TRPM7: variants seen among roughly 807,000 people sequenced by gnomAD.
TRPM7 encodes the protein transient receptor potential cation channel subfamily M member 7, also known as LTRPC ion channel family member 7.
TRPM7 carries 134 observed loss-of-function variants against 229.7 expected under a neutral mutation model. The observed-to-expected ratio is 0.58, with a 90% CI of 0.51 to 0.67. TRPM7 has a LOEUF of 0.67. Among genes scored for constraint, TRPM7 ranks in the 30% least tolerant of loss-of-function variants. The pLI is 0.00. For missense variants in TRPM7, 1,901 were observed against 2,210.0 expected (o/e 0.86, Z 2.80); for synonymous variants, 699 against 715.2 (o/e 0.98, Z 0.36).
chr15:50,617,831 A>AT (rs1377364757), intron 13 of TRPM7, among the ~76,000 whole-genome samples: 1 of 151,856 alleles, frequency 6.6e-6, no homozygotes, highest in Admixed American at 6.6e-5. Flanking sequence ...TAATTTTTAA[A>AT]TTTTTTTGTA....
At chr15:50,606,521 T>G (rs745840551) in intron 20 of TRPM7, among the ~76,000 whole-genome samples, 18 of 152,114 alleles carry the variant, frequency 1.2e-4, no homozygotes, top group South Asian at 2.1e-4. Context: ...TATTTTGAGA[T>G]AGAGTATCAC....
At chr15:50,617,016 C>T (rs1180943289) in intron 13 of TRPM7, among the ~76,000 whole-genome samples, 1 of 151,760 alleles carries the variant, frequency 6.6e-6, no homozygotes, top group East Asian at 1.9e-4. Context: ...GCAGGCTGGG[C>T]GTAATGGCTC....
At chr15:50,570,290 G>T in intron 36 of TRPM7, 135 bp from the exon 37 acceptor site, 1 of 645,682 alleles carries the variant, frequency 1.5e-6, no homozygotes, top group Non-Finnish European at 2.5e-6. Context: ...CTATTCAAAG[G>T]AGTGTAGTTC....
chr15:50,600,410 C>G (rs559792908), intron 21 of TRPM7, among the ~76,000 whole-genome samples: 57 of 148,190 alleles, frequency 3.8e-4, no homozygotes, highest in Non-Finnish European at 7.4e-4. Context: ...GCACTCCAGT[C>G]TGGGAGACAG....
rs1171682584 is a variant in TRPM7, at chr15:50,586,491, G to A, written c.4390-3C>T. On this transcript the variant is annotated splice_polypyrimidine_tract_variant and splice_region_variant and intron_variant, in intron 27 of 38. Transcript: ENST00000646667. ...GTGTTTTCAGAAGTATTGTTATTCT[G>A]CAAATATTGTGCAGACATATAATTT... The A allele has an allele frequency of 6.3e-6, 10 of 1,590,192 alleles. No individual in the cohort carries two copies. The South Asian group carries it at 8.9e-5, about 14-fold the overall frequency.
chr15:50,604,990 T>C lies in TRPM7; in HGVS notation c.2864A>G (p.Asn955Ser). 1 of 1,613,938 alleles carries C rather than the reference T, an allele frequency of 6.2e-7. No individual in the cohort carries two copies. Among genetic ancestry groups the C allele is most frequent in the Non-Finnish European group, 8.5e-7 (1 of 1,179,934 alleles). ...AKWNFANAYD[N>S]HVFVAGRLIY... is the part of the protein sequence containing the mutation. ...TAATCTTCCAGCCACAAAAACATGA[T>C]TATCATATGCATTTGCAAAGTTCCA... Residue 955 changes from asparagine to serine, a missense_variant, in exon 21 of 39, where the codon AAT becomes AGT. Coordinates refer to ENST00000646667, the MANE Select transcript of TRPM7 (RefSeq NM_017672.6).
chr15:50,599,066 T>C (rs1042506695), intron 22 of TRPM7, 56 bp downstream of exon 22: 2 of 1,316,498 alleles, frequency 1.5e-6, no homozygotes, highest in African/African-American at 1.5e-5. Context: ...TAATTCAATA[T>C]TGGTTTTAAA....
chr15:50,596,508 T>G, intron 22 of TRPM7, 127 bp from the exon 23 acceptor site: 3 of 757,238 alleles, frequency 4.0e-6, no homozygotes, highest in Non-Finnish European at 5.7e-6. Context: ...ACAAATCTGT[T>G]TCACAGATTC....
chr15:50,577,249 G>A (rs1460782421), intron 31 of TRPM7, among the ~76,000 whole-genome samples: 2 of 152,046 alleles, frequency 1.3e-5, no homozygotes, highest in African/African-American at 4.8e-5. Context: ...AAGTGGAGGA[G>A]TGACCTTTAG....
intron 9 of TRPM7, among the ~76,000 whole-genome samples, chr15:50,632,126 A>G (rs1468334426): frequency 6.6e-6 from 1 of 152,024 alleles, no homozygotes; most frequent in African/African-American, 2.4e-5. Flanking sequence ...AACACAGTGA[A>G]ACACCGCCTC....
chr15:50,628,637 T>C (rs954902655), intron 10 of TRPM7, among the ~76,000 whole-genome samples: 2 of 152,270 alleles, frequency 1.3e-5, no homozygotes, highest in Middle Eastern at 3.4e-3. Flanking sequence ...CACCATTCTT[T>C]AGTTAACTTA....
At chr15:50,600,414 G>A (rs2140409987) in intron 21 of TRPM7, among the ~76,000 whole-genome samples, 1 of 150,748 alleles carries the variant, frequency 6.6e-6, no homozygotes, top group South Asian at 2.1e-4. Context: ...TCCAGTCTGG[G>A]AGACAGAGCG....
At chr15:50,676,664 G>C (rs1242168348) in intron 1 of TRPM7, among the ~76,000 whole-genome samples, 1 of 152,022 alleles carries the variant, frequency 6.6e-6, no homozygotes, top group East Asian at 1.9e-4. Context: ...TAAAGGAATG[G>C]TATTGAGTGA....
rs750049139 is a variant in TRPM7, at chr15:50,611,270, A to C, written c.2103T>G (p.Asp701Glu). 1.9e-6 allele frequency: 3 copies of C among 1,613,946 alleles called. No individual in the cohort carries two copies. Among genetic ancestry groups the C allele is most frequent in the Non-Finnish European group, 2.5e-6 (3 of 1,179,920 alleles). The change falls in exon 17 of 39, where the codon GAT becomes GAG. Residue 701 changes from aspartate to glutamate, a missense_variant. Physicochemically the swap from Asp to Glu is conservative, Grantham distance 45. Around this residue, in one of 8 missense-constraint regions of TRPM7, gnomAD observed 794 missense variants for 881.9 expected, o/e 0.90. Coordinates refer to ENST00000646667, the MANE Select transcript of TRPM7 (RefSeq NM_017672.6). ...TGAGCAATTTCATAGCCATGGTTTC[A>C]TCTTGTCTGAAGGACTGTTCTAATA... ...VELLEQSFRQ[D>E]ETMAMKLLTY...
Position 50,612,826 on chromosome 15 carries a change from C to A in TRPM7, c.1774G>T (p.Asp592Tyr). 1 of 1,608,430 alleles carries A rather than the reference C, an allele frequency of 6.2e-7. No individual in the cohort carries two copies. The highest frequency in any genetic ancestry group is 8.5e-7 in the Non-Finnish European group (1 of 1,178,420). ...TTCTTTCCTTCTTCCATAACTGTAT[C>A]AATCTTCCAGGGAAAATAAAGTTAT... is the stretch of plus-strand genomic sequence containing the variant. ...KTAQPYRPKI[D>Y]TVMEEGKKKR... The change falls in exon 16 of 39, where the codon GAT becomes TAT. Residue 592 changes from aspartate (D) to tyrosine (Y), a missense_variant. Asp to Tyr is a radical substitution (Grantham distance 160, BLOSUM62 -3). Coordinates refer to ENST00000646667, the MANE Select transcript of TRPM7 (RefSeq NM_017672.6).
At position 50,575,867 on chromosome 15, in the gene TRPM7, A is replaced by G. The variant is rs762705102; in HGVS notation, c.4669+2T>C. ...TTAAATTTTGTTTTTAATATTACTG[A>G]CCTGAATAATAGTAATTTGTATCCA... On this transcript the variant is annotated splice_donor_variant, in intron 32 of 38. Coordinates refer to ENST00000646667, the MANE Select transcript of TRPM7 (RefSeq NM_017672.6). LOFTEE classifies it high-confidence loss of function. The G allele has an allele frequency of 5.6e-6, 9 of 1,613,042 alleles. No homozygotes were observed. The highest frequency in any genetic ancestry group is 1.3e-5 in the African/African-American group (1 of 74,906).
intron 38 of TRPM7, among the ~76,000 whole-genome samples, chr15:50,568,745 C>G (rs1292246159): frequency 6.6e-6 from 1 of 151,984 alleles, no homozygotes; most frequent in Non-Finnish European, 1.5e-5. Flanking sequence ...GAGGCTGACG[C>G]AGGTGGATCA....
At chr15:50,674,168 T>C (rs2062047542) in intron 1 of TRPM7, among the ~76,000 whole-genome samples, 1 of 152,146 alleles carries the variant, frequency 6.6e-6, no homozygotes, top group Non-Finnish European at 1.5e-5. Flanking sequence ...TTTGTATTTT[T>C]AGTAGAGATG....
intron 26 of TRPM7, among the ~76,000 whole-genome samples, chr15:50,590,913 A>G (rs1475403415): frequency 6.6e-6 from 1 of 152,152 alleles, no homozygotes; most frequent in African/African-American, 2.4e-5. Flanking sequence ...CCTAGAAGTA[A>G]TATCAACATG....
Sources: allele counts gnomAD v4.1 joint callset (sites outside exome capture counted in the v4.1 genomes callset), GRCh38; gene constraint gnomAD v4.1.1; regional missense constraint gnomAD v4.1.1; transcripts MANE v1.5; gene names NCBI Gene and HGNC (gene_info 2026-07-23, HGNC 2026-07-21).